The following KLHL3 variants were observed in gnomAD, a reference collection of about 807,000 sequenced individuals.
KLHL3 encodes kelch like family member 3.
In KLHL3, 19 loss-of-function variants were observed where a neutral mutation model predicts 70.5. The observed-to-expected ratio is 0.27, with a 90% CI of 0.19 to 0.40. KLHL3 has a LOEUF of 0.40. Ranked by LOEUF, KLHL3 falls within the 10% of genes least tolerant of loss-of-function variation. KLHL3 has a pLI of 1.00. For synonymous variants in KLHL3, 258 were observed against 290.3 expected, an observed-to-expected ratio of 0.89 and a Z score of 1.13; for missense variants, 512 against 771.1, an observed-to-expected ratio of 0.66 and a Z score of 3.98.
intron 12 of KLHL3, among the ~76,000 whole-genome samples, chr5:137,633,421 A>T (rs1750691127): frequency 6.6e-6 from 1 of 152,164 alleles, no homozygotes; most frequent in South Asian, 2.1e-4. Flanking sequence ...TTCTCAAAGA[A>T]CTCAAAATAT....
At chr5:137,698,147 C>A in intron 4 of KLHL3, 140 bp downstream of exon 4, 1 of 1,089,850 alleles carries the variant, frequency 9.2e-7, no homozygotes, top group South Asian at 1.6e-5. Context: ...TGGCCCAGGG[C>A]AGGTCACCTG....
At chr5:137,706,677 A>T (rs1752692456) in intron 3 of KLHL3, among the ~76,000 whole-genome samples, 1 of 152,252 alleles carries the variant, frequency 6.6e-6, no homozygotes, top group African/African-American at 2.4e-5. Context: ...AAGGAAATGA[A>T]TTTTCAATTA....
chr5:137,656,210 CA>C lies in KLHL3; in HGVS notation c.903+1920del, dbSNP rs11454314. On this transcript the variant is annotated intron_variant, in intron 8 of 14. Transcript: ENST00000309755. ...ACTTGACACAGAAATGTTTACATTA[CA>C]AAAAAAAAAGGAAATTACTGCAAAG... Among the ~76,000 whole-genome samples, 60 of 145,774 alleles carry C rather than the reference CA, an allele frequency of 4.1e-4. 2 individuals are homozygous for C. Among genetic ancestry groups the C allele is most frequent in the African/African-American group, 1.2e-3 (48 of 39,954 alleles).
intron 12 of KLHL3, among the ~76,000 whole-genome samples, chr5:137,630,298 C>G (rs949647901): frequency 1.3e-5 from 2 of 152,180 alleles, no homozygotes; most frequent in Admixed American, 6.5e-5. Flanking sequence ...AGAGGTGTCA[C>G]CCTCCAGGTC....
chr5:137,681,593 G>A (rs938856639), intron 5 of KLHL3, among the ~76,000 whole-genome samples: 1 of 152,140 alleles, frequency 6.6e-6, no homozygotes, highest in Non-Finnish European at 1.5e-5. Context: ...CAATGGAGAG[G>A]CAGACAAGGC....
intron 2 of KLHL3, among the ~76,000 whole-genome samples, chr5:137,718,684 A>G (rs1752941256): frequency 6.6e-6 from 1 of 152,246 alleles, no homozygotes; most frequent in South Asian, 2.1e-4. Flanking sequence ...CATACCCAAA[A>G]GAACTAAATG....
At chr5:137,686,449 G>A (rs140945105) in intron 5 of KLHL3, among the ~76,000 whole-genome samples, 2 of 152,348 alleles carry the variant, frequency 1.3e-5, no homozygotes, top group East Asian at 3.9e-4. Context: ...AAGAAAATAG[G>A]CTCAGGATTA....
intron 6 of KLHL3, among the ~76,000 whole-genome samples, chr5:137,671,073 A>G (rs11746435): frequency 4.6e-5 from 7 of 151,920 alleles, no homozygotes; most frequent in African/African-American, 1.7e-4. Flanking sequence ...TGACCTGAAG[A>G]AGAAAGCTCT....
intron 11 of KLHL3, 57 bp downstream of exon 11, chr5:137,637,237 C>T: frequency 1.4e-6 from 2 of 1,424,936 alleles, no homozygotes; most frequent in Non-Finnish European, 2.0e-6. Context: ...ATGCTGGACC[C>T]AGGACAAGGC....
intron 12 of KLHL3, chr5:137,629,549 C>T (rs990986074): frequency 6.6e-6 from 1 of 152,248 alleles, no homozygotes; most frequent in African/African-American, 2.4e-5. Context: ...AAGAACCAGA[C>T]TTGTAGACTA....
chr5:137,651,962 CAATA>C (rs771847895), intron 8 of KLHL3, among the ~76,000 whole-genome samples: 16 of 151,428 alleles, frequency 1.1e-4, no homozygotes, highest in Non-Finnish European at 2.2e-4. Flanking sequence ...AGAATCTTCC[CAATA>C]AATAGTGTGG....
chr5:137,679,590 A>G (rs1751974741), intron 5 of KLHL3, among the ~76,000 whole-genome samples: 1 of 152,230 alleles, frequency 6.6e-6, no homozygotes, highest in Admixed American at 6.5e-5. Flanking sequence ...TTTGAAAGGG[A>G]AGATAAAGGA....
chr5:137,723,424 T>C (rs1280748920), intron 1 of KLHL3, among the ~76,000 whole-genome samples: 1 of 152,240 alleles, frequency 6.6e-6, no homozygotes, highest in East Asian at 1.9e-4. Context: ...ACTCAGACTT[T>C]TAGATTTTTC....
rs369979429 is a variant in KLHL3, at chr5:137,624,666, G to A, written c.1735+1087C>T. Among the ~76,000 whole-genome samples, 8 of 152,314 alleles carry A rather than the reference G, an allele frequency of 5.3e-5. No individual in the cohort carries two copies. The East Asian group carries it at 9.6e-4, about 18-fold the overall frequency. ...GAATCGGAAGAATATTCCTGGAGTC[G>A]TGGTATGGATTAAAAGAGATAATGA... On this transcript the variant is annotated intron_variant, in intron 14 of 14. Transcript: ENST00000309755.
At chr5:137,677,786 AAAC>A (rs1247410987) in intron 5 of KLHL3, 132 bp from the exon 6 acceptor site, 19 of 510,178 alleles carry the variant, frequency 3.7e-5, no homozygotes, top group Non-Finnish European at 5.1e-5. Context: ...AAAGGGAGTG[AAAC>A]AAAGACAGAG....
At chr5:137,683,052 T>G (rs949749955) in intron 5 of KLHL3, among the ~76,000 whole-genome samples, 7 of 152,162 alleles carry the variant, frequency 4.6e-5, no homozygotes, top group Non-Finnish European at 1.0e-4. Flanking sequence ...TATTAGGAAA[T>G]GGCCTCAACT....
At chr5:137,719,022 G>A (rs1752948434) in intron 2 of KLHL3, among the ~76,000 whole-genome samples, 1 of 152,208 alleles carries the variant, frequency 6.6e-6, no homozygotes. Flanking sequence ...TTCTCTGCCT[G>A]GAAGGCTTCT....
Position 137,620,707 on chromosome 5 carries a change from T to C in KLHL3, c.*1391A>G, listed in dbSNP as rs1380477036. On this transcript the variant is annotated 3_prime_UTR_variant, in exon 15 of 15. Transcript: ENST00000309755. Reference sequence around the variant, plus strand: ...ATGCTTGAAGTTCTATTGTTAATAATTTTTACCTGTGAATTAGCAAAGCTC... The same window carrying C: ...ATGCTTGAAGTTCTATTGTTAATAACTTTTACCTGTGAATTAGCAAAGCTC... 1 of 152,202 alleles carries C rather than the reference T, an allele frequency of 6.6e-6. No individual in the cohort carries two copies. The highest frequency in any genetic ancestry group is 1.5e-5 in the Non-Finnish European group (1 of 68,040). 9.4% of individuals were successfully genotyped at this position (152,202 alleles called of 1,614,324 possible).
At chr5:137,658,410 A>G in intron 7 of KLHL3, 130 bp from the exon 8 acceptor site, 1 of 885,698 alleles carries the variant, frequency 1.1e-6, no homozygotes, top group Non-Finnish European at 1.8e-6. Flanking sequence ...TCAGACCCAA[A>G]GAGTTACAAC....
Sources: allele counts gnomAD v4.1 joint callset (sites outside exome capture counted in the v4.1 genomes callset), GRCh38; gene constraint gnomAD v4.1.1; transcripts MANE v1.5; gene names NCBI Gene and HGNC (gene_info 2026-07-23, HGNC 2026-07-21).